MSRB3: variants seen among roughly 807,000 people sequenced by gnomAD.
MSRB3 encodes the protein methionine-R-sulfoxide reductase B3.
MSRB3 carries 13 observed loss-of-function variants against 21.0 expected under a neutral mutation model. The ratio of observed to expected loss-of-function variants is 0.62; its 90% CI spans 0.40 to 0.98. MSRB3 has a LOEUF of 0.98. Among genes scored for constraint, MSRB3 ranks in the 50% least tolerant of loss-of-function variants. The pLI is 0.00. For missense variants in MSRB3, 199 were observed against 230.3 expected (o/e 0.86, Z 0.88); for synonymous variants, 87 against 88.6 (o/e 0.98, Z 0.10).
intron 5 of MSRB3, among the ~76,000 whole-genome samples, chr12:65,409,060 A>G (rs1419120905): frequency 6.6e-6 from 1 of 152,032 alleles, no homozygotes; most frequent in African/African-American, 2.4e-5. Context: ...TGGAGTTTTA[A>G]ACTCTTAAAC....
intron 1 of MSRB3, among the ~76,000 whole-genome samples, chr12:65,280,475 G>C (rs572566915): frequency 6.6e-6 from 1 of 152,254 alleles, no homozygotes; most frequent in African/African-American, 2.4e-5. Context: ...CCTAATACTT[G>C]TGGTGAAACG....
intron 5 of MSRB3, among the ~76,000 whole-genome samples, chr12:65,381,374 A>G (rs986072594): frequency 4.6e-5 from 7 of 152,182 alleles, no homozygotes; most frequent in Non-Finnish European, 8.8e-5. Flanking sequence ...TTGGCTATTC[A>G]TTATAATTGA....
At chr12:65,318,920 A>C (rs1016861125) in intron 2 of MSRB3, among the ~76,000 whole-genome samples, 1 of 152,186 alleles carries the variant, frequency 6.6e-6, no homozygotes, top group Non-Finnish European at 1.5e-5. Flanking sequence ...CACAAATGAA[A>C]GATAGAAAAG....
At chr12:65,408,203 T>C (rs1439245909) in intron 5 of MSRB3, among the ~76,000 whole-genome samples, 1 of 152,112 alleles carries the variant, frequency 6.6e-6, no homozygotes, top group Non-Finnish European at 1.5e-5. Flanking sequence ...GAAGCAATTC[T>C]CCTGACTCAG....
At chr12:65,438,592 A>G (rs567648455) in intron 5 of MSRB3, among the ~76,000 whole-genome samples, 2 of 152,028 alleles carry the variant, frequency 1.3e-5, no homozygotes, top group South Asian at 2.1e-4. Context: ...CTCATCTGCA[A>G]TCCTGGAAAA....
chr12:65,300,053 T>A lies in MSRB3; in HGVS notation c.-51-8476T>A, dbSNP rs192702957. Among the ~76,000 whole-genome samples the A allele has an allele frequency of 2.0e-4, 30 of 152,332 alleles. 1 individual carries two copies. The East Asian group carries it at 4.6e-3, about 23-fold the overall frequency. ...CAAATGGATTGATTTTCCTTGTATT[T>A]GTTGATTGATTTAAAATCAAAAGTT... On this transcript the variant is annotated intron_variant, in intron 1 of 6. Coordinates refer to ENST00000308259, the MANE Select transcript of MSRB3 (RefSeq NM_001031679.3).
At chr12:65,422,419 TA>T (rs1565885116) in intron 5 of MSRB3, among the ~76,000 whole-genome samples, 131 of 46,172 alleles carry the variant, frequency 2.8e-3, no homozygotes, top group Non-Finnish European at 4.4e-3. Flanking sequence ...TATATATATA[TA>T]TATATATATA....
rs555865203 is a variant in MSRB3, at chr12:65,443,334, G to T, written c.293-10394G>T. Among the ~76,000 whole-genome samples, 4 of 152,150 alleles carry T rather than the reference G, an allele frequency of 2.6e-5. No homozygotes were observed. In the South Asian group the frequency reaches 8.3e-4, roughly 32 times the overall value. ...GCCTGAAATGATTATGGGTGATAAG[G>T]CTACACCGTTTGTACATCTGAACTT... On this transcript the variant is annotated intron_variant, in intron 5 of 6. Coordinates refer to ENST00000308259, the MANE Select transcript of MSRB3 (RefSeq NM_001031679.3).
chr12:65,295,256 C>T (rs1040287685), intron 1 of MSRB3, among the ~76,000 whole-genome samples: 1 of 152,166 alleles, frequency 6.6e-6, no homozygotes, highest in African/African-American at 2.4e-5. Context: ...AATGCAGTAG[C>T]ATTTGACTCT....
chr12:65,420,337 ATT>A (rs76129224), intron 5 of MSRB3, among the ~76,000 whole-genome samples: 1 of 145,814 alleles, frequency 6.9e-6, no homozygotes, highest in Non-Finnish European at 1.5e-5. Flanking sequence ...GCCTTCAGCT[ATT>A]TTTTTTTTCC....
intron 2 of MSRB3, among the ~76,000 whole-genome samples, chr12:65,318,498 GT>G (rs1874451873): frequency 6.6e-6 from 1 of 151,884 alleles, no homozygotes; most frequent in South Asian, 2.1e-4. Context: ...GAGCCTGTCT[GT>G]TTTTAATTTT....
chr12:65,447,520 G>T lies in MSRB3; in HGVS notation c.293-6208G>T, dbSNP rs186631432. Among the ~76,000 whole-genome samples the T allele has an allele frequency of 2.3e-4, 35 of 152,054 alleles. No homozygotes were observed. The East Asian group carries it at 6.5e-3, about 28-fold the overall frequency. ...AGGTAAGAATAATGTGAAAAAATAA[G>T]TTGCCAAAAAAATACCTACAATGCA... On this transcript the variant is annotated intron_variant, in intron 5 of 6. Transcript: ENST00000308259.
chr12:65,418,691 G>T (rs1881110804), intron 5 of MSRB3: 2 of 720,636 alleles, frequency 2.8e-6, no homozygotes, highest in Non-Finnish European at 2.5e-6. Context: ...TTGGCTTCCA[G>T]CTCCCCAGAG....
chr12:65,359,214 T>C (rs1877565328), intron 4 of MSRB3, among the ~76,000 whole-genome samples: 1 of 152,008 alleles, frequency 6.6e-6, no homozygotes, highest in South Asian at 2.1e-4. Context: ...GTGAAAAGCA[T>C]GCTCCTCCTT....
chr12:65,456,581 T>TTCC (rs1320165959), intron 6 of MSRB3, among the ~76,000 whole-genome samples: 82 of 152,356 alleles, frequency 5.4e-4, no homozygotes, highest in African/African-American at 1.8e-3. Context: ...AAGGTGACTG[T>TTCC]TCCTGTTCTT....
chr12:65,348,311 T>G (rs1473458358), intron 4 of MSRB3, among the ~76,000 whole-genome samples: 1 of 152,192 alleles, frequency 6.6e-6, no homozygotes, highest in Non-Finnish European at 1.5e-5. Flanking sequence ...GGTTTAGTCT[T>G]GGGAGGGTGT....
intron 6 of MSRB3, chr12:65,454,242 CAT>C: frequency 2.8e-6 from 1 of 354,688 alleles, no homozygotes; most frequent in Non-Finnish European, 5.3e-6. Context: ...GAGCTGTGAT[CAT>C]GCCACTGTAG....
chr12:65,345,672 CT>C (rs1419344626), intron 4 of MSRB3, among the ~76,000 whole-genome samples: 1 of 152,106 alleles, frequency 6.6e-6, no homozygotes, highest in African/African-American at 2.4e-5. Context: ...TGTTGGTGTG[CT>C]GCACCCAGTA....
chr12:65,279,653 T>C (rs1565811603), intron 1 of MSRB3: 1 of 152,264 alleles, frequency 6.6e-6, no homozygotes, highest in African/African-American at 2.4e-5. Flanking sequence ...GGCTAATAGC[T>C]ATCGGAAGTG....
Sources: gnomAD v4.1 joint callset for allele counts (sites outside exome capture counted in the v4.1 genomes callset) on GRCh38, gnomAD v4.1.1 for gene constraint, MANE v1.5 for transcripts, NCBI Gene and HGNC (gene_info 2026-07-23, HGNC 2026-07-21) for gene names.